SHISA9: variants seen among roughly 807,000 people sequenced by gnomAD.
SHISA9 encodes protein shisa-9.
SHISA9 carries 13 observed loss-of-function variants against 38.0 expected under a neutral mutation model. The ratio of observed to expected loss-of-function variants is 0.34; its 90% confidence interval spans 0.22 to 0.54. The LOEUF is 0.54. SHISA9 is among the 20% of genes least tolerant of loss of function. The pLI, the probability that SHISA9 is intolerant of heterozygous loss-of-function variation, is 0.91. For synonymous variants in SHISA9, 275 were observed against 242.0 expected, an observed-to-expected ratio of 1.14 and a Z score of -1.27; for missense variants, 538 against 575.8, an observed-to-expected ratio of 0.93 and a Z score of 0.67.
chr16:13,525,438 T>G, the SHISA9 span, among the ~76,000 whole-genome samples: 1 of 152,220 alleles, frequency 6.6e-6, no homozygotes, highest in Non-Finnish European at 1.5e-5. Context: ...GATGAGTTAT[T>G]TAAAATCTCA....
the SHISA9 span, among the ~76,000 whole-genome samples, chr16:13,316,101 A>G: frequency 1.5e-4 from 23 of 152,030 alleles, no homozygotes; most frequent in Non-Finnish European, 3.1e-4. Context: ...GGCATATCAC[A>G]GGGACTGCAG....
the SHISA9 span, among the ~76,000 whole-genome samples, chr16:13,389,822 T>C: frequency 2.0e-5 from 3 of 152,210 alleles, no homozygotes; most frequent in Admixed American, 2.0e-4. Flanking sequence ...AAAATCACAA[T>C]GCAATATCTC....
chr16:12,979,995 A>C (rs184121663), intron 2 of SHISA9, among the ~76,000 whole-genome samples: 9 of 152,274 alleles, frequency 5.9e-5, no homozygotes, highest in Admixed American at 5.9e-4. Context: ...CAGGTTGTGA[A>C]TGGGGTTTAA....
the SHISA9 span, among the ~76,000 whole-genome samples, chr16:13,523,118 C>T: frequency 1.3e-5 from 2 of 152,200 alleles, no homozygotes; most frequent in East Asian, 1.9e-4. Context: ...GAGGCCAAGG[C>T]GGGCAGATCA....
At chr16:13,047,095 C>T (rs1461439833) in intron 2 of SHISA9, among the ~76,000 whole-genome samples, 1 of 152,082 alleles carries the variant, frequency 6.6e-6, no homozygotes, top group South Asian at 2.1e-4. Context: ...GAATGATAAA[C>T]CGAAAAAGGC....
chr16:13,190,585 C>G (rs1341911156), intron 2 of SHISA9, among the ~76,000 whole-genome samples: 1 of 152,148 alleles, frequency 6.6e-6, no homozygotes, highest in Non-Finnish European at 1.5e-5. Flanking sequence ...TGCGCGGGAA[C>G]CTCTGTTTTG....
At chr16:13,047,563 G>A (rs959173507) in intron 2 of SHISA9, among the ~76,000 whole-genome samples, 1 of 152,136 alleles carries the variant, frequency 6.6e-6, no homozygotes, top group Non-Finnish European at 1.5e-5. Flanking sequence ...CTTTTTGATG[G>A]TTGCTTTCGG....
chr16:13,043,810 A>T (rs998504516), intron 2 of SHISA9, among the ~76,000 whole-genome samples: 1 of 152,156 alleles, frequency 6.6e-6, no homozygotes, highest in African/African-American at 2.4e-5. Flanking sequence ...CTCAGCCTGA[A>T]ATTCCTCTCT....
chr16:13,109,254 G>A (rs755137473), intron 2 of SHISA9, among the ~76,000 whole-genome samples: 13 of 151,966 alleles, frequency 8.6e-5, no homozygotes, highest in Non-Finnish European at 1.9e-4. Flanking sequence ...TTGAACTCCT[G>A]GGCTCAAGCA....
the SHISA9 span, among the ~76,000 whole-genome samples, chr16:13,525,360 G>T: frequency 6.6e-6 from 1 of 152,164 alleles, no homozygotes; most frequent in African/African-American, 2.4e-5. Context: ...CTGTCGAAGA[G>T]TCCGGGAGTG....
chr16:13,112,051 G>C (rs1250084902), intron 2 of SHISA9, among the ~76,000 whole-genome samples: 3 of 152,164 alleles, frequency 2.0e-5, no homozygotes, highest in Admixed American at 6.5e-5. Flanking sequence ...TTCTAAAAAT[G>C]ACTCCAAAGG....
chr16:13,374,250 T>A, the SHISA9 span, among the ~76,000 whole-genome samples: 2 of 152,064 alleles, frequency 1.3e-5, no homozygotes, highest in African/African-American at 4.8e-5. Flanking sequence ...ATGTGCCATG[T>A]TGGTGTGCTG....
the SHISA9 span, among the ~76,000 whole-genome samples, chr16:13,452,292 T>C: frequency 6.6e-6 from 1 of 152,194 alleles, no homozygotes; most frequent in East Asian, 1.9e-4. Context: ...GTAAATCATT[T>C]CTCTCCAGCT....
the SHISA9 span, among the ~76,000 whole-genome samples, chr16:13,334,965 A>G: frequency 6.6e-6 from 1 of 152,132 alleles, no homozygotes; most frequent in Admixed American, 6.5e-5. Flanking sequence ...AGGAACCTGT[A>G]TATTCTAGAG....
At chr16:13,337,388 G>A in the SHISA9 span, among the ~76,000 whole-genome samples, 12 of 151,814 alleles carry the variant, frequency 7.9e-5, no homozygotes, top group Admixed American at 2.6e-4. Context: ...CGTGTGAGAC[G>A]TGCCTTTCAC....
chr16:12,994,173 C>T (rs942105202), intron 2 of SHISA9, among the ~76,000 whole-genome samples: 29 of 151,888 alleles, frequency 1.9e-4, no homozygotes, highest in Admixed American at 1.2e-3. Flanking sequence ...GCTGTGTAGA[C>T]GATTGGAAGG....
At chr16:13,017,621 A>C (rs1418202220) in intron 2 of SHISA9, among the ~76,000 whole-genome samples, 3 of 152,282 alleles carry the variant, frequency 2.0e-5, no homozygotes, top group Non-Finnish European at 4.4e-5. Flanking sequence ...CACTGTGCTG[A>C]ATGCTTTCCA....
chr16:13,413,482 G>T, the SHISA9 span, among the ~76,000 whole-genome samples: 1 of 152,182 alleles, frequency 6.6e-6, no homozygotes, highest in East Asian at 1.9e-4. Context: ...TTGGCCAGGC[G>T]CAGTGGCTCA....
intron 2 of SHISA9, among the ~76,000 whole-genome samples, chr16:13,113,383 C>T (rs2073999309): frequency 6.6e-6 from 1 of 152,148 alleles, no homozygotes; most frequent in Non-Finnish European, 1.5e-5. Context: ...CTCAGCCAGT[C>T]AGGGTTAGTG....
Sources: allele counts gnomAD v4.1 joint callset (sites outside exome capture counted in the v4.1 genomes callset), GRCh38; gene constraint gnomAD v4.1.1; transcripts MANE v1.5; gene names NCBI Gene and HGNC (gene_info 2026-07-23, HGNC 2026-07-21).